The following PHF3 variants were observed in gnomAD, a reference collection of about 807,000 sequenced individuals.
PHF3 encodes PHD finger protein 3.
A neutral mutation model predicts 178.4 loss-of-function variants in PHF3; 41 were observed. The observed-to-expected ratio is 0.23, with a 90% CI of 0.18 to 0.30. The LOEUF is 0.30. Ranked by LOEUF, PHF3 falls within the 10% of genes least tolerant of loss-of-function variation. The pLI is 1.00. For synonymous variants in PHF3, 842 were observed against 800.5 expected (o/e 1.05, Z -0.88); for missense variants, 2,346 against 2,398.1 (o/e 0.98, Z 0.45).
At chr6:63,638,848 T>C (rs1245320386) in intron 1 of PHF3, among the ~76,000 whole-genome samples, 1 of 152,142 alleles carries the variant, frequency 6.6e-6, no homozygotes, top group African/African-American at 2.4e-5. Flanking sequence ...ACTGTTGCAT[T>C]TTTGAGAACA....
chr6:63,653,914 G>T (rs1238871690), intron 2 of PHF3, among the ~76,000 whole-genome samples: 5 of 152,082 alleles, frequency 3.3e-5, no homozygotes, highest in South Asian at 4.1e-4. Flanking sequence ...TCTTCATTCT[G>T]TTGATGTGAT....
Position 63,720,120 on chromosome 6 carries a change from A to G in PHF3, c.*6412A>G, listed in dbSNP as rs1207012171. 1 of 160,714 alleles carries G rather than the reference A, an allele frequency of 6.2e-6. No individual in the cohort carries two copies. Among genetic ancestry groups the G allele is most frequent in the East Asian group, 1.8e-4 (1 of 5,616 alleles). The allele number at this position is 160,714 out of a possible 1,614,324, so 10.0% of individuals were successfully genotyped here. On this transcript the variant is annotated 3_prime_UTR_variant, in exon 16 of 16. Coordinates refer to ENST00000262043, the MANE Select transcript of PHF3 (RefSeq NM_001370348.2). Reference sequence around the variant, plus strand: ...CATATAAATAAGTTGTAGCTAAGCCATGTAATACAATATGGTTACATTGCT... The same window carrying G: ...CATATAAATAAGTTGTAGCTAAGCCGTGTAATACAATATGGTTACATTGCT...
At position 63,721,671 on chromosome 6, in the gene PHF3, TTTA is replaced by T. The variant is rs1294689122; in HGVS notation, c.*7968_*7970del. On this transcript the variant is annotated 3_prime_UTR_variant, in exon 16 of 16. Transcript: ENST00000262043. ...GCCTTCTGCACCAACTCTTCCTGCT[TTTA>T]TTATATGCCAAGTACTTCCGTTTAT... is the stretch of plus-strand genomic sequence containing the variant. 1.1e-5 allele frequency: 17 copies of T among 1,551,504 alleles called. No individual in the cohort carries two copies. Among genetic ancestry groups the T allele is most frequent in the Non-Finnish European group, 1.5e-5 (17 of 1,146,816 alleles).
At chr6:63,699,341 A>T (rs1019321156) in intron 8 of PHF3, among the ~76,000 whole-genome samples, 2 of 152,210 alleles carry the variant, frequency 1.3e-5, no homozygotes, top group African/African-American at 4.8e-5. Context: ...GTTTTTTGCT[A>T]TAGATTACTC....
Position 63,694,654 on chromosome 6 carries a change from G to C in PHF3, c.2570G>C (p.Arg857Pro). The stretch of plus-strand genomic sequence containing the variant: ...AAAAAATGGCAGCTAGCTCCTCTTC[G>C]TAAGATGGGACAACCAGTTTTACCT... Reference protein sequence around the residue: ...EIKKWQLAPLRKMGQPVLPRR... With the variant: ...EIKKWQLAPLPKMGQPVLPRR... Residue 857 changes from arginine (R) to proline (P), a missense_variant, in exon 6 of 16, where the codon CGT (arginine) becomes CCT (proline). Arg to Pro is a moderately radical substitution (Grantham distance 103). Around this residue, in one of 8 missense-constraint regions of PHF3, gnomAD observed 252 missense variants for 232.0 expected, o/e 1.09. Coordinates refer to ENST00000262043, the MANE Select transcript of PHF3 (RefSeq NM_001370348.2). The C allele has an allele frequency of 6.3e-7, 1 of 1,595,784 alleles. No homozygotes were observed. The highest frequency in any genetic ancestry group is 8.5e-7 in the Non-Finnish European group (1 of 1,170,096).
In PHF3 at chr6:63,719,402, A is replaced by G. The variant is rs1342064458; in HGVS notation, c.*5694A>G. The stretch of plus-strand genomic sequence containing the variant: ...TTTTGAACATTACATGCTGCTTATT[A>G]CTAAGATTTTTTTCTCCAGATGACC... On this transcript the variant is annotated 3_prime_UTR_variant, in exon 16 of 16. Coordinates refer to ENST00000262043, the MANE Select transcript of PHF3 (RefSeq NM_001370348.2). 4.0e-5 allele frequency among the ~76,000 whole-genome samples: 6 copies of G among 151,416 alleles called. 1 individual carries two copies. In the South Asian group the frequency reaches 8.3e-4, roughly 21 times the overall value.
Position 63,702,625 on chromosome 6 carries a change from G to A in PHF3, c.3217G>A (p.Ala1073Thr), listed in dbSNP as rs753706189. The A allele has an allele frequency of 1.2e-6, 2 of 1,612,594 alleles. No individual in the cohort carries two copies. Among genetic ancestry groups the A allele is most frequent in the African/African-American group, 2.7e-5 (2 of 74,872 alleles). Residue 1073 changes from alanine to threonine, a missense_variant, in exon 10 of 16, where the codon GCC (alanine) becomes ACC (threonine). By Grantham distance (58) the Ala-to-Thr change is moderately conservative (BLOSUM62 0). This residue lies in a region of PHF3 where 205 missense variants were observed against 212.4 expected (regional missense o/e 0.97). Transcript: ENST00000262043. ...SDAPMKEQEA[A>T]MEIQEPAANK... ...TGCCCCAATGAAAGAACAGGAAGCAGCCATGGAGATTCAGGTAAGGATAGA... is the reference window on the plus strand; with the variant it reads ...TGCCCCAATGAAAGAACAGGAAGCAACCATGGAGATTCAGGTAAGGATAGA...
chr6:63,684,323 A>G lies in PHF3; in HGVS notation c.601A>G (p.Ser201Gly), dbSNP rs369385840. The G allele has an allele frequency of 6.2e-7, 1 of 1,613,890 alleles. No individual in the cohort carries two copies. Among genetic ancestry groups the G allele is most frequent in the Non-Finnish European group, 8.5e-7 (1 of 1,179,900 alleles). The change falls in exon 4 of 16, where the codon AGC (serine) becomes GGC (glycine). Residue 201 changes from serine (S) to glycine (G), a missense_variant. Ser to Gly is a moderately conservative substitution (Grantham distance 56). This residue lies in a region of PHF3 where 843 missense variants were observed against 795.2 expected (regional missense o/e 1.06). Transcript: ENST00000262043. The stretch of plus-strand genomic sequence containing the variant: ...GTACCATAAGGAGAATAGAAGGTGC[A>G]GCCGAAATAGCGGACAAATTGAAGT... The part of the protein sequence containing the change: ...PEYHKENRRC[S>G]RNSGQIEVVP...
In PHF3 at chr6:63,684,448, T is replaced by G. The variant is rs757446288; in HGVS notation, c.726T>G (p.Asn242Lys). The G allele has an allele frequency of 6.2e-7, 1 of 1,613,960 alleles. No homozygotes were observed. Among genetic ancestry groups the G allele is most frequent in the Non-Finnish European group, 8.5e-7 (1 of 1,179,850 alleles). ...DGLDSKHKCN[N>K]PGEIDVPSHE... is the part of the protein sequence containing the mutation. The stretch of plus-strand genomic sequence containing the variant: ...TAGATTCTAAGCATAAGTGTAATAA[T>G]CCGGGAGAAATAGATGTGCCATCTC... Residue 242 changes from asparagine to lysine, a missense_variant, in exon 4 of 16, where the codon AAT becomes AAG. Transcript: ENST00000262043.
intron 4 of PHF3, among the ~76,000 whole-genome samples, chr6:63,690,079 A>G (rs1460487843): frequency 6.6e-6 from 1 of 152,168 alleles, no homozygotes; most frequent in Non-Finnish European, 1.5e-5. Context: ...GAGAACTTTT[A>G]AACACCTGCA....
At chr6:63,700,573 G>T in intron 9 of PHF3, 107 bp downstream of exon 9, 2 of 600,764 alleles carry the variant, frequency 3.3e-6, no homozygotes, top group Non-Finnish European at 6.0e-6. Context: ...TAATAACACA[G>T]ACTTTCTGTT....
chr6:63,705,406 T>G (rs545996812), intron 11 of PHF3, among the ~76,000 whole-genome samples: 2 of 152,166 alleles, frequency 1.3e-5, no homozygotes, highest in Non-Finnish European at 2.9e-5. Context: ...AGGTGAGCGG[T>G]GGACGATACT....
At chr6:63,658,769 G>A (rs1765346109) in intron 2 of PHF3, among the ~76,000 whole-genome samples, 1 of 151,304 alleles carries the variant, frequency 6.6e-6, no homozygotes, top group South Asian at 2.1e-4. Flanking sequence ...TATAACGAGA[G>A]AGAGAGGGAG....
rs1409480033 is a variant in PHF3 at position 63,721,398 on chromosome 6, G to C, written c.*7690G>C. 21 of 1,551,552 alleles carry C rather than the reference G, an allele frequency of 1.4e-5. No homozygotes were observed. The East Asian group carries it at 1.5e-4, about 11-fold the overall frequency. ...ATTTCTGCATGTGTTGTACCCACAG[G>C]CTGTCCCATCACAGTCACCTACATT... On this transcript the variant is annotated 3_prime_UTR_variant, in exon 16 of 16. Coordinates refer to ENST00000262043, the MANE Select transcript of PHF3 (RefSeq NM_001370348.2).
chr6:63,698,652 A>G, intron 8 of PHF3, 47 bp downstream of exon 8: 1 of 1,324,384 alleles, frequency 7.6e-7, no homozygotes, highest in Non-Finnish European at 1.0e-6. Context: ...TTTCCTGAGT[A>G]CATAGGTATC....
At chr6:63,710,641 T>G (rs1454819303) in intron 14 of PHF3, among the ~76,000 whole-genome samples, 1 of 152,206 alleles carries the variant, frequency 6.6e-6, no homozygotes, top group Non-Finnish European at 1.5e-5. Context: ...TATATGTATT[T>G]AAGGTCTCTT....
chr6:63,680,603 AGAT>A (rs1211782432), intron 3 of PHF3, among the ~76,000 whole-genome samples: 1 of 151,204 alleles, frequency 6.6e-6, no homozygotes, highest in Non-Finnish European at 1.5e-5. Context: ...ATGCTATTAG[AGAT>A]GATACATTTA....
chr6:63,636,729 C>A (rs1764357259), intron 1 of PHF3: 1 of 152,312 alleles, frequency 6.6e-6, no homozygotes, highest in African/African-American at 2.4e-5. Context: ...GCCCGGGACT[C>A]AAACTGTGGA....
In PHF3 at chr6:63,721,242, TC is replaced by T. The variant is rs1561993898; in HGVS notation, c.*7535del. ...CAGGCAACTGTAAGAAAATGATTGG[TC>T]AGGTATACATAAAGATTGGTGGAGG... On this transcript the variant is annotated 3_prime_UTR_variant, in exon 16 of 16. Coordinates refer to ENST00000262043, the MANE Select transcript of PHF3 (RefSeq NM_001370348.2). 6.4e-7 allele frequency: 1 copy of T among 1,551,816 alleles called. No individual in the cohort carries two copies. The highest frequency in any genetic ancestry group is 8.7e-7 in the Non-Finnish European group (1 of 1,146,944).
Sources: allele counts gnomAD v4.1 joint callset (sites outside exome capture counted in the v4.1 genomes callset), GRCh38; gene constraint gnomAD v4.1.1; regional missense constraint gnomAD v4.1.1; transcripts MANE v1.5; gene names NCBI Gene and HGNC (gene_info 2026-07-23, HGNC 2026-07-21).